TAFA2: variants seen among roughly 807,000 people sequenced by gnomAD.
The protein encoded by TAFA2 is chemokine-like protein TAFA-2.
In TAFA2, 7 loss-of-function variants were observed where a neutral mutation model predicts 18.8. The ratio of observed to expected loss-of-function variants is 0.37; its 90% CI spans 0.21 to 0.70. The LOEUF (loss-of-function observed/expected upper bound fraction) is 0.70, where lower values mean the gene tolerates loss of function less well. Ranked by LOEUF, TAFA2 falls within the 30% of genes least tolerant of loss-of-function variation. TAFA2 has a pLI of 0.53. For synonymous variants in TAFA2, 60 were observed against 54.2 expected, an observed-to-expected ratio of 1.11 and a Z score of -0.47; for missense variants, 122 against 158.1, an observed-to-expected ratio of 0.77 and a Z score of 1.23.
chr12:61,877,321 C>T lies in TAFA2; in HGVS notation c.-1-9895G>A, dbSNP rs188297017. ...CTATTTGCCATCAGCCGCTTTGTTC[C>T]ACCCCTAACATTTTCCTTATGGATG... On this transcript the variant is annotated intron_variant, in intron 1 of 4. Coordinates refer to ENST00000416284, the MANE Select transcript of TAFA2 (RefSeq NM_178539.5). Among the ~76,000 whole-genome samples, 6 of 152,254 alleles carry T rather than the reference C, an allele frequency of 3.9e-5. No homozygotes were observed. The East Asian group carries it at 1.2e-3, about 29-fold the overall frequency.
chr12:61,975,680 A>G (rs1879407758), intron 1 of TAFA2, among the ~76,000 whole-genome samples: 1 of 151,742 alleles, frequency 6.6e-6, no homozygotes, highest in Non-Finnish European at 1.5e-5. Flanking sequence ...GTGCAATTCT[A>G]CTTATTGTAA....
chr12:62,093,270 T>C (rs969071285), intron 1 of TAFA2, among the ~76,000 whole-genome samples: 2 of 151,992 alleles, frequency 1.3e-5, no homozygotes, highest in African/African-American at 4.8e-5. Flanking sequence ...CAGGAATGCA[T>C]TGTGATGGAA....
intron 2 of TAFA2, among the ~76,000 whole-genome samples, chr12:61,785,886 C>T (rs1565632994): frequency 6.6e-6 from 1 of 151,348 alleles, no homozygotes. Flanking sequence ...ATGAAAATCA[C>T]AAACACAGTA....
At chr12:62,163,172 C>G (rs748613129) in intron 1 of TAFA2, among the ~76,000 whole-genome samples, 1 of 152,072 alleles carries the variant, frequency 6.6e-6, no homozygotes, top group African/African-American at 2.4e-5. Context: ...TAGAACTCTA[C>G]TTGTCTCTGA....
At chr12:61,931,947 T>A (rs1452762238) in intron 1 of TAFA2, among the ~76,000 whole-genome samples, 1 of 152,232 alleles carries the variant, frequency 6.6e-6, no homozygotes, top group Non-Finnish European at 1.5e-5. Context: ...ATCAATGTTT[T>A]TATCCCTTAC....
intron 1 of TAFA2, among the ~76,000 whole-genome samples, chr12:62,141,793 T>G (rs2062241584): frequency 6.6e-6 from 1 of 152,196 alleles, no homozygotes. Flanking sequence ...GGGCTTTTCT[T>G]TATCCCTAAG....
At chr12:62,025,485 G>A (rs1044883057) in intron 1 of TAFA2, among the ~76,000 whole-genome samples, 1 of 152,074 alleles carries the variant, frequency 6.6e-6, no homozygotes, top group Non-Finnish European at 1.5e-5. Flanking sequence ...GATTTCTAAT[G>A]AAAAGCTAAT....
intron 4 of TAFA2, among the ~76,000 whole-genome samples, chr12:61,737,355 T>C (rs1223741948): frequency 6.6e-6 from 1 of 151,954 alleles, no homozygotes; most frequent in Non-Finnish European, 1.5e-5. Flanking sequence ...TTTTTTTCAC[T>C]TCTTTACCAT....
At chr12:61,721,731 G>A (rs950447324) in intron 4 of TAFA2, among the ~76,000 whole-genome samples, 2 of 152,186 alleles carry the variant, frequency 1.3e-5, no homozygotes, top group African/African-American at 4.8e-5. Flanking sequence ...CAACGCGGGT[G>A]GATCACCTGA....
intron 2 of TAFA2, among the ~76,000 whole-genome samples, chr12:61,831,034 C>A (rs1872702457): frequency 6.6e-6 from 1 of 151,958 alleles, no homozygotes; most frequent in Admixed American, 6.6e-5. Flanking sequence ...AGAACATTGT[C>A]TTTGTAGACT....
intron 4 of TAFA2, among the ~76,000 whole-genome samples, chr12:61,728,036 T>G (rs1183620828): frequency 5.3e-5 from 8 of 150,926 alleles, no homozygotes; most frequent in African/African-American, 1.9e-4. Context: ...AGGGTTGTTT[T>G]TTTTTTTTTT....
intron 1 of TAFA2, among the ~76,000 whole-genome samples, chr12:61,972,440 G>C (rs1007644504): frequency 1.1e-4 from 17 of 151,632 alleles, no homozygotes; most frequent in Non-Finnish European, 2.2e-4. Flanking sequence ...TCACTCTCTT[G>C]ACCTTTCCAA....
intron 1 of TAFA2, among the ~76,000 whole-genome samples, chr12:61,939,908 G>C (rs1441765216): frequency 1.3e-5 from 2 of 152,140 alleles, no homozygotes; most frequent in African/African-American, 4.8e-5. Flanking sequence ...CTTTAAAATA[G>C]AACAGCTTAC....
At chr12:62,125,588 T>C (rs528718324) in intron 1 of TAFA2, among the ~76,000 whole-genome samples, 1 of 152,138 alleles carries the variant, frequency 6.6e-6, no homozygotes, top group Non-Finnish European at 1.5e-5. Flanking sequence ...AACCTGTTAA[T>C]AGGGCATATT....
At chr12:61,781,103 G>C (rs138164097) in intron 2 of TAFA2, among the ~76,000 whole-genome samples, 235 of 151,866 alleles carry the variant, frequency 1.5e-3, no homozygotes, top group African/African-American at 3.5e-3. Flanking sequence ...GAGATAAAAG[G>C]CTGGTTGAGG....
chr12:61,979,463 G>T (rs112582789), intron 1 of TAFA2, among the ~76,000 whole-genome samples: 3,385 of 152,142 alleles, frequency 0.022, 126 homozygotes, highest in African/African-American at 0.076. Context: ...TTAGTGAAAT[G>T]GCAGTTCATC....
intron 1 of TAFA2, among the ~76,000 whole-genome samples, chr12:62,061,250 C>T (rs1882340143): frequency 6.6e-6 from 1 of 152,220 alleles, no homozygotes; most frequent in South Asian, 2.1e-4. Context: ...GTGCTCTGTA[C>T]AGGTGGGCCA....
chr12:61,710,298 C>T lies in TAFA2; in HGVS notation c.*108G>A. 9.9e-7 allele frequency: 1 copy of T among 1,010,010 alleles called. No individual in the cohort carries two copies. The highest frequency in any genetic ancestry group is 1.6e-6 in the Non-Finnish European group (1 of 642,998). The allele number at this position is 1,010,010 out of a possible 1,614,324, so 62.6% of individuals were successfully genotyped here. A position where few individuals can be genotyped will look rare whatever the true frequency, so the allele number is the denominator to read the frequency against. ...CCCTTGGAAATAGACTATTGAGCGC[C>T]TCTTTCAAGTGGTATAAAAATCTTC... is the stretch of plus-strand genomic sequence containing the variant. On this transcript the variant is annotated 3_prime_UTR_variant, in exon 5 of 5. Coordinates refer to ENST00000416284, the MANE Select transcript of TAFA2 (RefSeq NM_178539.5).
At chr12:61,887,525 C>T (rs1206279872) in intron 1 of TAFA2, among the ~76,000 whole-genome samples, 1 of 150,916 alleles carries the variant, frequency 6.6e-6, no homozygotes, top group Non-Finnish European at 1.5e-5. Context: ...TGCTGGTGTG[C>T]TGCACCCACT....
Sources: gnomAD v4.1 joint callset for allele counts (sites outside exome capture counted in the v4.1 genomes callset) on GRCh38, gnomAD v4.1.1 for gene constraint, MANE v1.5 for transcripts, NCBI Gene and HGNC (gene_info 2026-07-23, HGNC 2026-07-21) for gene names.